ADGB: variants seen among roughly 807,000 people sequenced by gnomAD.
ADGB encodes the protein calpain-7-like protein.
In ADGB, 172 loss-of-function variants were observed where a neutral mutation model predicts 210.5. The ratio of observed to expected loss-of-function variants is 0.82; its 90% CI spans 0.72 to 0.93. The LOEUF is 0.93. Ranked by LOEUF, ADGB falls within the 40% of genes least tolerant of loss-of-function variation. The pLI is 0.00. For missense variants in ADGB, 2,025 were observed against 1,964.8 expected, an observed-to-expected ratio of 1.03 and a Z score of -0.58; for synonymous variants, 658 against 662.7, an observed-to-expected ratio of 0.99 and a Z score of 0.11.
intron 31 of ADGB, 48 bp downstream of exon 31, chr6:146,784,842 C>T: frequency 1.3e-6 from 2 of 1,494,394 alleles, no homozygotes; most frequent in South Asian, 1.3e-5. Flanking sequence ...CCTCCTTAGG[C>T]ATGCTCTGAA....
At chr6:146,610,602 A>G (rs1332470359) in intron 1 of ADGB, among the ~76,000 whole-genome samples, 1 of 152,142 alleles carries the variant, frequency 6.6e-6, no homozygotes, top group Non-Finnish European at 1.5e-5. Flanking sequence ...GGATGATTTC[A>G]GGGGGACATG....
rs372217365 is a variant in ADGB, at chr6:146,808,495, G to T, written c.4818+6484G>T. Among the ~76,000 whole-genome samples, 11 of 152,250 alleles carry T rather than the reference G, an allele frequency of 7.2e-5. No homozygotes were observed. In the South Asian group the frequency reaches 1.2e-3, roughly 17 times the overall value. On this transcript the variant is annotated intron_variant, in intron 35 of 35. Transcript: ENST00000397944. ...GTTGTGTTTTCTCTAAGACACAGAT[G>T]AAGTTGTTATACCCTAGTCTTAGAA...
At chr6:146,663,163 T>TATAA (rs1215605525) in intron 5 of ADGB, among the ~76,000 whole-genome samples, 182 of 141,022 alleles carry the variant, frequency 1.3e-3, no homozygotes, top group African/African-American at 4.4e-3. Context: ...ATAATATATA[T>TATAA]TTATTATATA....
intron 13 of ADGB, among the ~76,000 whole-genome samples, chr6:146,702,809 T>C (rs530947646): frequency 6.6e-6 from 1 of 152,038 alleles, no homozygotes; most frequent in Admixed American, 6.6e-5. Flanking sequence ...TAAATACTAC[T>C]GCTATGAATG....
intron 9 of ADGB, 48 bp from the exon 10 acceptor site, chr6:146,685,685 AC>A: frequency 8.3e-7 from 1 of 1,204,042 alleles, no homozygotes; most frequent in Non-Finnish European, 1.1e-6. Context: ...CAACTGACAG[AC>A]CGATTTTGAC....
intron 12 of ADGB, among the ~76,000 whole-genome samples, chr6:146,698,792 G>A (rs539417204): frequency 2.9e-4 from 44 of 152,012 alleles, no homozygotes; most frequent in Middle Eastern, 6.8e-3. Flanking sequence ...TCTGTTACCC[G>A]GCTGGTCTCA....
At chr6:146,668,633 G>A (rs922774483) in intron 7 of ADGB, among the ~76,000 whole-genome samples, 43 of 152,056 alleles carry the variant, frequency 2.8e-4, no homozygotes, top group African/African-American at 9.9e-4. Flanking sequence ...TATACTTAGT[G>A]TTGATGGAAT....
At chr6:146,787,639 ATGCTCT>A (rs1325970475) in intron 32 of ADGB, among the ~76,000 whole-genome samples, 10 of 149,142 alleles carry the variant, frequency 6.7e-5, no homozygotes, top group African/African-American at 2.5e-4. Flanking sequence ...ACATTTCTTC[ATGCTCT>A]TAAGTACTTT....
At chr6:146,653,496 T>C (rs113066076) in intron 3 of ADGB, among the ~76,000 whole-genome samples, 2,174 of 152,148 alleles carry the variant, frequency 0.014, 46 homozygotes, top group African/African-American at 0.048. Flanking sequence ...GAACAGAAAA[T>C]GAAATATCAC....
chr6:146,654,788 G>T (rs146853793), intron 4 of ADGB, among the ~76,000 whole-genome samples: 422 of 152,192 alleles, frequency 2.8e-3, no homozygotes, highest in African/African-American at 9.4e-3. Context: ...GTATTATTGT[G>T]TGTGTTATTG....
intron 18 of ADGB, chr6:146,725,745 A>C (rs1583608219): frequency 1.1e-5 from 2 of 184,620 alleles, no homozygotes; most frequent in Non-Finnish European, 2.3e-5. Flanking sequence ...ACAGCCCTAT[A>C]CCTGCTTGAG....
At chr6:146,770,631 A>G in intron 29 of ADGB, 1 of 466,160 alleles carries the variant, frequency 2.1e-6, no homozygotes, top group Non-Finnish European at 4.5e-6. Flanking sequence ...TCCTAATGGC[A>G]TCCTGGCCTG....
At chr6:146,614,262 A>AT (rs1780758211) in intron 1 of ADGB, among the ~76,000 whole-genome samples, 1 of 129,388 alleles carries the variant, frequency 7.7e-6, no homozygotes, top group Non-Finnish European at 1.6e-5. Flanking sequence ...AGTTTTTTTG[A>AT]TATAACATTG....
chr6:146,657,023 T>C (rs1351657874), intron 5 of ADGB, 43 bp downstream of exon 5: 1 of 1,466,370 alleles, frequency 6.8e-7, no homozygotes, highest in Non-Finnish European at 9.3e-7. Flanking sequence ...GAGTCTTTCA[T>C]ATTGAAATAT....
At position 146,784,733 on chromosome 6, in the gene ADGB, C is replaced by T; in HGVS notation, c.4151C>T (p.Ala1384Val). ...LFEVKKDTER[A>V]DEIRAMKQAW... is the part of the protein sequence containing the mutation. Reference sequence around the variant, plus strand: ...GAAGTGAAAAAGGATACAGAAAGGGCAGATGAAATCCGAGCCATGAAACAA... The same window carrying T: ...GAAGTGAAAAAGGATACAGAAAGGGTAGATGAAATCCGAGCCATGAAACAA... Residue 1384 changes from alanine (A) to valine (V), a missense_variant, in exon 31 of 36, where the codon GCA (alanine) becomes GTA (valine). Transcript: ENST00000397944. The T allele has an allele frequency of 1.3e-6, 2 of 1,550,850 alleles. No homozygotes were observed. Among genetic ancestry groups the T allele is most frequent in the Non-Finnish European group, 1.7e-6 (2 of 1,146,596 alleles).
intron 8 of ADGB, among the ~76,000 whole-genome samples, chr6:146,674,896 T>C (rs1776066270): frequency 6.6e-6 from 1 of 152,190 alleles, no homozygotes; most frequent in African/African-American, 2.4e-5. Context: ...TAATTTTTAT[T>C]ATGTATTATT....
At chr6:146,608,196 G>C (rs184699575) in intron 1 of ADGB, among the ~76,000 whole-genome samples, 35 of 151,940 alleles carry the variant, frequency 2.3e-4, no homozygotes, top group African/African-American at 6.5e-4. Context: ...AGAGCTGTTT[G>C]TAATAGTCTC....
intron 33 of ADGB, among the ~76,000 whole-genome samples, chr6:146,788,916 TCTC>T (rs751033777): frequency 4.6e-5 from 7 of 152,208 alleles, no homozygotes; most frequent in Non-Finnish European, 8.8e-5. Flanking sequence ...CACATACACT[TCTC>T]GTTAAACACA....
intron 25 of ADGB, among the ~76,000 whole-genome samples, chr6:146,744,221 A>T (rs1277718367): frequency 3.3e-5 from 5 of 152,232 alleles, no homozygotes; most frequent in Non-Finnish European, 5.9e-5. Flanking sequence ...CTCAAGAGAC[A>T]CCTCAAGAGA....
Sources: allele counts gnomAD v4.1 joint callset (sites outside exome capture counted in the v4.1 genomes callset), GRCh38; gene constraint gnomAD v4.1.1; transcripts MANE v1.5; gene names NCBI Gene and HGNC (gene_info 2026-07-23, HGNC 2026-07-21).